The following CNOT10 variants were observed in gnomAD, a reference collection of about 807,000 sequenced individuals.
CNOT10 encodes CCR4-NOT transcription complex, subunit 10.
Under a neutral mutation model 94.6 loss-of-function variants are expected in CNOT10, and 30 were observed. The ratio of observed to expected loss-of-function variants is 0.32; its 90% CI spans 0.24 to 0.43. CNOT10 has a LOEUF of 0.43. CNOT10 is among the 20% of genes least tolerant of loss of function. CNOT10 has a pLI of 1.00. For missense variants in CNOT10, 759 were observed against 877.2 expected (o/e 0.87, Z 1.70); for synonymous variants, 289 against 301.6 (o/e 0.96, Z 0.43).
intron 13 of CNOT10, chr3:32,753,579 G>A: frequency 1.3e-6 from 2 of 1,587,070 alleles, no homozygotes; most frequent in Non-Finnish European, 1.7e-6. Flanking sequence ...AAAAGCTAGA[G>A]GAGCAAGGAG....
intron 18 of CNOT10, among the ~76,000 whole-genome samples, chr3:32,771,444 T>C (rs1459576076): frequency 6.6e-6 from 1 of 151,842 alleles, no homozygotes; most frequent in Non-Finnish European, 1.5e-5. Flanking sequence ...TTACTGAAAA[T>C]ACAAAAATTA....
At chr3:32,710,634 T>C (rs1041258233) in intron 4 of CNOT10, among the ~76,000 whole-genome samples, 7 of 152,214 alleles carry the variant, frequency 4.6e-5, no homozygotes, top group Admixed American at 3.3e-4. Flanking sequence ...ATTCCCTTTC[T>C]ACCTATAACC....
At chr3:32,700,035 G>T (rs1291992344) in intron 1 of CNOT10, among the ~76,000 whole-genome samples, 1 of 150,496 alleles carries the variant, frequency 6.6e-6, no homozygotes, top group African/African-American at 2.5e-5. Context: ...GAGTGCAGTG[G>T]CATGATCTCG....
At chr3:32,709,530 A>G (rs1188412440) in intron 4 of CNOT10, among the ~76,000 whole-genome samples, 1 of 152,124 alleles carries the variant, frequency 6.6e-6, no homozygotes, top group Non-Finnish European at 1.5e-5. Flanking sequence ...GTGGTGGGGT[A>G]TGATAGCGCT....
intron 13 of CNOT10, among the ~76,000 whole-genome samples, chr3:32,743,909 C>T (rs1699586528): frequency 6.6e-6 from 1 of 152,030 alleles, no homozygotes; most frequent in Non-Finnish European, 1.5e-5. Flanking sequence ...ATGCCGTCAT[C>T]ATAAAGTGAG....
chr3:32,713,782 G>A (rs1347434088), intron 5 of CNOT10, among the ~76,000 whole-genome samples: 1 of 152,070 alleles, frequency 6.6e-6, no homozygotes, highest in African/African-American at 2.4e-5. Context: ...TTTTTACTTA[G>A]TGTAATGCTT....
At chr3:32,741,768 C>CAAAAAAAAAAAAAA (rs529423159) in intron 13 of CNOT10, among the ~76,000 whole-genome samples, 1 of 86,536 alleles carries the variant, frequency 1.2e-5, no homozygotes, top group South Asian at 3.8e-4. Flanking sequence ...GACTCCGTCT[C>CAAAAAAAAAAAAAA]AAAAAAAAAA....
intron 13 of CNOT10, among the ~76,000 whole-genome samples, chr3:32,746,701 G>A (rs1177984742): frequency 6.6e-6 from 1 of 152,142 alleles, no homozygotes; most frequent in African/African-American, 2.4e-5. Context: ...GCCAGGCGTG[G>A]TGGCAGGCGC....
At chr3:32,746,973 T>C (rs189785912) in intron 13 of CNOT10, among the ~76,000 whole-genome samples, 3 of 148,084 alleles carry the variant, frequency 2.0e-5, no homozygotes, top group Non-Finnish European at 4.5e-5. Context: ...GCTGTAAATA[T>C]AGGTGTGGTG....
At chr3:32,723,839 G>A (rs997258898) in intron 8 of CNOT10, among the ~76,000 whole-genome samples, 1 of 152,172 alleles carries the variant, frequency 6.6e-6, no homozygotes, top group African/African-American at 2.4e-5. Context: ...TCAGCACTTT[G>A]GGAGGTCGAG....
At chr3:32,709,624 T>A (rs146105805) in intron 4 of CNOT10, among the ~76,000 whole-genome samples, 3 of 152,146 alleles carry the variant, frequency 2.0e-5, no homozygotes, top group Admixed American at 6.5e-5. Context: ...CAGAGACCCA[T>A]TCTGAGGTGC....
chr3:32,752,034 A>T (rs1465877707), intron 13 of CNOT10, among the ~76,000 whole-genome samples: 1 of 152,176 alleles, frequency 6.6e-6, no homozygotes, highest in African/African-American at 2.4e-5. Context: ...GCTCACTGTA[A>T]TCCCAGCACT....
intron 13 of CNOT10, chr3:32,753,387 A>G (rs1700049763): frequency 2.1e-6 from 3 of 1,397,868 alleles, no homozygotes; most frequent in Non-Finnish European, 3.0e-6. Context: ...AAGAATGTTC[A>G]AAGAATGATG....
intron 11 of CNOT10, 125 bp from the exon 12 acceptor site, chr3:32,734,675 T>G: frequency 2.6e-6 from 2 of 759,462 alleles, no homozygotes; most frequent in Non-Finnish European, 4.2e-6. Context: ...CTGCTTATAT[T>G]AAAATTTCTA....
intron 15 of CNOT10, among the ~76,000 whole-genome samples, chr3:32,763,841 A>G (rs1281345553): frequency 1.3e-5 from 2 of 151,844 alleles, no homozygotes; most frequent in Admixed American, 6.6e-5. Context: ...TTTAGAAAAT[A>G]TGCTCTCAGC....
chr3:32,705,930 A>G (rs1697599059), intron 3 of CNOT10, among the ~76,000 whole-genome samples: 1 of 152,332 alleles, frequency 6.6e-6, no homozygotes, highest in Non-Finnish European at 1.5e-5. Context: ...TATTGAATGC[A>G]TACTGGGTGC....
chr3:32,754,719 G>T (rs186074291), intron 13 of CNOT10, among the ~76,000 whole-genome samples: 77 of 147,264 alleles, frequency 5.2e-4, no homozygotes, highest in Middle Eastern at 7.0e-3. Flanking sequence ...ACGGGGTTTC[G>T]CCATGTTAGT....
At chr3:32,700,255 C>T (rs148414387) in intron 1 of CNOT10, among the ~76,000 whole-genome samples, 4,411 of 152,134 alleles carry the variant, frequency 0.029, 78 homozygotes, top group African/African-American at 0.052. Flanking sequence ...GGATTACAGG[C>T]GTGAGCCACT....
At chr3:32,759,725 G>A (rs141266768) in intron 14 of CNOT10, among the ~76,000 whole-genome samples, 154 bp downstream of exon 14, 18 of 152,214 alleles carry the variant, frequency 1.2e-4, no homozygotes, top group African/African-American at 3.8e-4. Context: ...CCCATGCCTC[G>A]GCAGTGAAAA....
Sources: gnomAD v4.1 joint callset for allele counts (sites outside exome capture counted in the v4.1 genomes callset) on GRCh38, gnomAD v4.1.1 for gene constraint, MANE v1.5 for transcripts, NCBI Gene and HGNC (gene_info 2026-07-23, HGNC 2026-07-21) for gene names.